The following PCDH1 variants were observed in gnomAD, a reference collection of about 807,000 sequenced individuals.
PCDH1 encodes protocadherin-1.
A neutral mutation model predicts 74.6 loss-of-function variants in PCDH1; 23 were observed. That is an observed-to-expected ratio of 0.31 (90% CI 0.22 to 0.44). The LOEUF (loss-of-function observed/expected upper bound fraction) is 0.44, where lower values mean the gene tolerates loss of function less well. PCDH1 is among the 20% of genes least tolerant of loss of function. PCDH1 has a pLI of 1.00. For synonymous variants in PCDH1, 647 were observed against 686.1 expected (o/e 0.94, Z 0.89); for missense variants, 1,214 against 1,641.4 (o/e 0.74, Z 4.50).
intron 1 of PCDH1, among the ~76,000 whole-genome samples, chr5:141,872,392 G>T (rs1206614159): frequency 6.6e-6 from 1 of 152,242 alleles, no homozygotes; most frequent in Non-Finnish European, 1.5e-5. Context: ...GGCAGTCACT[G>T]TTTGCCTCTG....
chr5:141,866,095 TG>T, intron 2 of PCDH1: 2 of 985,538 alleles, frequency 2.0e-6, no homozygotes, highest in Non-Finnish European at 2.4e-6. Flanking sequence ...GGCCCCAGGT[TG>T]GGGGATTTCT....
rs1160536619 is a variant in PCDH1 at position 141,864,626 on chromosome 5, A to T, written c.1705T>A (p.Ser569Thr). ...PETGEIQVKT[S>T]LDREQRESYE... Reference sequence around the variant, plus strand: ...CTCTCCCGCTGTTCCCGATCCAGAGATGTCTTCACCTGGATCTCTCCAGTC... The same window carrying T: ...CTCTCCCGCTGTTCCCGATCCAGAGTTGTCTTCACCTGGATCTCTCCAGTC... Residue 569 changes from serine (S) to threonine (T), a missense_variant, in exon 3 of 5, where the codon TCT becomes ACT. Physicochemically the swap from Ser to Thr is moderately conservative, Grantham distance 58. This residue lies in a region of PCDH1 where 836 missense variants were observed against 1,182.2 expected (regional missense o/e 0.71). Transcript: ENST00000287008. The surrounding 1 kb of genome is among the most constrained non-coding windows in gnomAD (Gnocchi z 5.9). The T allele has an allele frequency of 1.2e-6, 2 of 1,613,586 alleles. No individual in the cohort carries two copies. Among genetic ancestry groups the T allele is most frequent in the Non-Finnish European group, 1.7e-6 (2 of 1,180,018 alleles).
At chr5:141,874,643 C>A (rs1020358600) in intron 1 of PCDH1, among the ~76,000 whole-genome samples, 1 of 152,166 alleles carries the variant, frequency 6.6e-6, no homozygotes, top group Non-Finnish European at 1.5e-5. Flanking sequence ...AGAGTTCACC[C>A]GGAAACTTCA....
chr5:141,878,358 G>T lies in PCDH1; in HGVS notation c.-96C>A. On this transcript the variant is annotated 5_prime_UTR_variant, in exon 1 of 5. Transcript: ENST00000287008. This position sits in a 1 kb window ranked among gnomAD's most constrained non-coding sequence, Gnocchi z 5.5. ...GCTCCGGCTCCGGCTGGCTCTGGGC[G>T]CAGCAGCCCGGCGGCTTTGCGTCCG... The T allele has an allele frequency of 1.0e-6, 1 of 954,834 alleles. No homozygotes were observed. The highest frequency in any genetic ancestry group is 4.1e-4 in the Middle Eastern group (1 of 2,448). 59.1% of individuals were successfully genotyped at this position (954,834 alleles called of 1,614,324 possible).
intron 1 of PCDH1, among the ~76,000 whole-genome samples, chr5:141,877,189 G>A (rs1753263525): frequency 1.3e-5 from 2 of 152,216 alleles, no homozygotes; most frequent in Non-Finnish European, 1.5e-5. Context: ...GCGCTGCAGG[G>A]TGTAATGTAA....
chr5:141,864,472 G>A lies in PCDH1; in HGVS notation c.1859C>T (p.Ser620Leu). Residue 620 changes from serine to leucine, a missense_variant, in exon 3 of 5, where the codon TCA becomes TTA. Coordinates refer to ENST00000287008, the MANE Select transcript of PCDH1 (RefSeq NM_032420.5). This position sits in a 1 kb window ranked among gnomAD's most constrained non-coding sequence, Gnocchi z 5.9. Reference sequence around the variant, plus strand: ...CAGTGCTGGCATGTTCTCCATCACTGAGAAGTTGTAGCCACTCAGCATAAA... The same window carrying A: ...CAGTGCTGGCATGTTCTCCATCACTAAGAAGTTGTAGCCACTCAGCATAAA... ...PKFMLSGYNF[S>L]VMENMPALSP... 1 of 1,614,058 alleles carries A rather than the reference G, an allele frequency of 6.2e-7. No individual in the cohort carries two copies. The highest frequency in any genetic ancestry group is 8.5e-7 in the Non-Finnish European group (1 of 1,180,012).
intron 4 of PCDH1, among the ~76,000 whole-genome samples, chr5:141,854,945 T>C (rs941415767): frequency 6.7e-6 from 1 of 148,532 alleles, no homozygotes; most frequent in Non-Finnish European, 1.5e-5. Context: ...GTGTTGGGAT[T>C]ACAAGCATGA....
At chr5:141,860,901 A>T (rs1447937026) in intron 3 of PCDH1, among the ~76,000 whole-genome samples, 1 of 152,286 alleles carries the variant, frequency 6.6e-6, no homozygotes, top group East Asian at 1.9e-4. Flanking sequence ...AGATCGCCTG[A>T]GGTCAGGAGC....
chr5:141,864,783 C>T lies in PCDH1; in HGVS notation c.1548G>A (p.Pro516=), dbSNP rs146477358. The part of the protein sequence containing the change: ...FTQSVTEVAF[P]ENNKPGEVIA... The stretch of plus-strand genomic sequence containing the variant: ...TCACTTCACCAGGCTTGTTGTTTTC[C>T]GGGAAGGCGACCTCAGTGACACTCT... Residue 516 remains proline, a synonymous_variant, in exon 3 of 5, where the codon CCG becomes CCA. Coordinates refer to ENST00000287008, the MANE Select transcript of PCDH1 (RefSeq NM_032420.5). This position sits in a 1 kb window ranked among gnomAD's most constrained non-coding sequence, Gnocchi z 5.9. 232 of 1,613,988 alleles carry T rather than the reference C, an allele frequency of 1.4e-4. No homozygotes were observed. The highest frequency in any genetic ancestry group is 1.8e-4 in the Non-Finnish European group (210 of 1,180,024).
At position 141,878,134 on chromosome 5, in the gene PCDH1, T is replaced by C; in HGVS notation, c.40+89A>G. The C allele has an allele frequency of 8.0e-7, 1 of 1,249,998 alleles. No homozygotes were observed. The highest frequency in any genetic ancestry group is 1.7e-5 in the South Asian group (1 of 58,700). 77.4% of individuals were successfully genotyped at this position (1,249,998 alleles called of 1,614,324 possible). A position where few individuals can be genotyped will look rare whatever the true frequency, so the allele number is the denominator to read the frequency against. On this transcript the variant is annotated intron_variant, in intron 1 of 4. Transcript: ENST00000287008. The surrounding 1 kb of genome is among the most constrained non-coding windows in gnomAD (Gnocchi z 5.5). ...TCGTGTTGGGCCCCCGCGGCCTCGC[T>C]CCGCCGAGCGCCCCTCCCTCAGCTC... is the stretch of plus-strand genomic sequence containing the variant.
rs1462876575 is a variant in PCDH1 at position 141,853,642 on chromosome 5, A to G, written c.*400T>C. On this transcript the variant is annotated 3_prime_UTR_variant, in exon 5 of 5. Transcript: ENST00000287008. ...CAGTTCAGCCCTGCTTCAGGGCTAA[A>G]ATTGGGCATGCTATCCCCGCCCTGG... The G allele has an allele frequency of 6.2e-6, 1 of 161,988 alleles. No homozygotes were observed. Among genetic ancestry groups the G allele is most frequent in the African/African-American group, 2.4e-5 (1 of 41,882 alleles). 10.0% of individuals were successfully genotyped at this position (161,988 alleles called of 1,614,324 possible).
In PCDH1 at chr5:141,865,823, GGA is replaced by G. The variant is rs1752801026; in HGVS notation, c.904-398_904-397del. Among the ~76,000 whole-genome samples the G allele has an allele frequency of 1.3e-5, 2 of 152,370 alleles. No individual in the cohort carries two copies. The highest frequency in any genetic ancestry group is 4.8e-5 in the African/African-American group (2 of 41,588). ...CCTGCCTGAACCCTCCTGAAGAGATGGAGAGGTGCGAGTAGTAGAGGCGGTGT... is the reference window on the plus strand; with the variant it reads ...CCTGCCTGAACCCTCCTGAAGAGATGGAGGTGCGAGTAGTAGAGGCGGTGT... On this transcript the variant is annotated intron_variant, in intron 2 of 4. Transcript: ENST00000287008. This position sits in a 1 kb window ranked among gnomAD's most constrained non-coding sequence, Gnocchi z 4.4.
At position 141,875,617 on chromosome 5, in the gene PCDH1, G is replaced by A. The variant is rs529724690; in HGVS notation, c.40+2606C>T. ...AAGTAGCCACAGCAGCAGCCCCTCT[G>A]CTAAGAAGATGGCAGACCAGCAAGA... On this transcript the variant is annotated intron_variant, in intron 1 of 4. Coordinates refer to ENST00000287008, the MANE Select transcript of PCDH1 (RefSeq NM_032420.5). 2.6e-5 allele frequency among the ~76,000 whole-genome samples: 4 copies of A among 151,898 alleles called. No individual in the cohort carries two copies. In the East Asian group the frequency reaches 7.7e-4, roughly 29 times the overall value.
rs746890231 is a variant in PCDH1, at chr5:141,869,358, C to T, written c.114G>A (p.Leu38=). The T allele has an allele frequency of 1.6e-5, 26 of 1,597,062 alleles. No homozygotes were observed. The South Asian group carries it at 2.3e-4, about 14-fold the overall frequency. Residue 38 remains leucine, a synonymous_variant, in exon 2 of 5, where the codon CTG becomes CTA. Coordinates refer to ENST00000287008, the MANE Select transcript of PCDH1 (RefSeq NM_032420.5). The surrounding 1 kb of genome is among the most constrained non-coding windows in gnomAD (Gnocchi z 4.9). ...HSPGPGGQRL[L]LPSMLLALLL... Reference sequence around the variant, plus strand: ...GCAGTGCTAGCAGCATGGAGGGCAGCAGTAGCCGTTGCCCCCCAGGGCCTG... The same window carrying T: ...GCAGTGCTAGCAGCATGGAGGGCAGTAGTAGCCGTTGCCCCCCAGGGCCTG...
intron 3 of PCDH1, among the ~76,000 whole-genome samples, chr5:141,859,071 A>C (rs901796119): frequency 6.6e-6 from 1 of 152,068 alleles, no homozygotes; most frequent in Non-Finnish European, 1.5e-5. Context: ...AAAACACTGA[A>C]GGGTCTGGGT....
intron 2 of PCDH1, chr5:141,867,470 C>T: frequency 2.4e-6 from 1 of 415,210 alleles, no homozygotes; most frequent in South Asian, 1.7e-5. Context: ...TAATACTTAC[C>T]TTGTACTGTA....
At chr5:141,857,685 G>A (rs1752404109) in intron 3 of PCDH1, among the ~76,000 whole-genome samples, 1 of 152,034 alleles carries the variant, frequency 6.6e-6, no homozygotes, top group African/African-American at 2.4e-5. Flanking sequence ...GTACAGCCAA[G>A]TCCACATACT....
chr5:141,865,439 GA>G lies in PCDH1; in HGVS notation c.904-13del. On this transcript the variant is annotated splice_polypyrimidine_tract_variant and intron_variant, in intron 2 of 4. Coordinates refer to ENST00000287008, the MANE Select transcript of PCDH1 (RefSeq NM_032420.5). The surrounding 1 kb of genome is among the most constrained non-coding windows in gnomAD (Gnocchi z 4.4). ...TCATTGGCCTTCACCTATAGGGCAG[GA>G]GAGAAAAACAAGGAGAACAGAGATG... 6.2e-7 allele frequency: 1 copy of G among 1,606,022 alleles called. No homozygotes were observed.
chr5:141,856,149 TG>T, intron 4 of PCDH1: 1 of 1,377,424 alleles, frequency 7.3e-7, no homozygotes, highest in Non-Finnish European at 1.0e-6. Context: ...GAGCAGAGCA[TG>T]GGCACTGGGT....
Sources: allele counts gnomAD v4.1 joint callset (sites outside exome capture counted in the v4.1 genomes callset), GRCh38; gene constraint gnomAD v4.1.1; regional missense constraint gnomAD v4.1.1; non-coding constraint Gnocchi (gnomAD v3.1); transcripts MANE v1.5; gene names NCBI Gene and HGNC (gene_info 2026-07-23, HGNC 2026-07-21).